The following NTM variants were observed in gnomAD, a reference collection of about 807,000 sequenced individuals.
NTM encodes neurotrimin.
NTM carries 13 observed loss-of-function variants against 42.1 expected under a neutral mutation model. The ratio of observed to expected loss-of-function variants is 0.31; its 90% CI spans 0.20 to 0.49. The LOEUF is 0.49. NTM is among the 20% of genes least tolerant of loss of function. NTM has a pLI of 0.99. For missense variants in NTM, 373 were observed against 452.8 expected (o/e 0.82, Z 1.60); for synonymous variants, 187 against 179.2 (o/e 1.04, Z -0.35).
At chr11:132,106,895 T>C (rs910572073) in intron 2 of NTM, among the ~76,000 whole-genome samples, 4 of 152,168 alleles carry the variant, frequency 2.6e-5, no homozygotes, top group African/African-American at 9.7e-5. Context: ...TAGCCATAGA[T>C]AGTCACAACT....
At chr11:131,829,080 C>T (rs1592138919) in intron 1 of NTM, among the ~76,000 whole-genome samples, 1 of 142,718 alleles carries the variant, frequency 7.0e-6, no homozygotes, top group Non-Finnish European at 1.5e-5. Flanking sequence ...TCCTTAATCA[C>T]CCCTTTGCCT....
At chr11:131,574,166 C>T (rs2057717450) in intron 1 of NTM, among the ~76,000 whole-genome samples, 1 of 152,124 alleles carries the variant, frequency 6.6e-6, no homozygotes, top group African/African-American at 2.4e-5. Context: ...CTGGCTCGGC[C>T]TTTGGAAATC....
At chr11:131,606,294 G>A (rs1016826088) in intron 1 of NTM, among the ~76,000 whole-genome samples, 4 of 152,128 alleles carry the variant, frequency 2.6e-5, no homozygotes, top group South Asian at 2.1e-4. Context: ...GGCCTCAAGC[G>A]ATCCTCCTGT....
At chr11:131,478,870 A>T (rs1036546362) in intron 1 of NTM, among the ~76,000 whole-genome samples, 1 of 152,236 alleles carries the variant, frequency 6.6e-6, no homozygotes, top group African/African-American at 2.4e-5. Flanking sequence ...CCCAGCACCT[A>T]CATTTCAATC....
intron 2 of NTM, among the ~76,000 whole-genome samples, chr11:132,121,908 C>T (rs2064899406): frequency 6.6e-6 from 1 of 152,216 alleles, no homozygotes; most frequent in Non-Finnish European, 1.5e-5. Flanking sequence ...CCATTTTATG[C>T]ATGTGCATTA....
intron 2 of NTM, among the ~76,000 whole-genome samples, chr11:132,126,625 G>A (rs71470696): frequency 0.026 from 4,008 of 152,262 alleles, 79 homozygotes; most frequent in South Asian, 0.094. Flanking sequence ...CTCCCAAGAG[G>A]AGAGGAGCTG....
At chr11:131,382,797 G>A (rs888336983) in intron 1 of NTM, among the ~76,000 whole-genome samples, 36 of 152,334 alleles carry the variant, frequency 2.4e-4, no homozygotes, top group South Asian at 2.1e-4. Context: ...AAAAGGTTTT[G>A]CCAGAGCAGA....
At chr11:131,525,090 G>A (rs7128651) in intron 1 of NTM, among the ~76,000 whole-genome samples, 2,555 of 152,172 alleles carry the variant, frequency 0.017, 73 homozygotes, top group African/African-American at 0.057. Context: ...CTCAGGGGGC[G>A]GGTATTGCCA....
intron 1 of NTM, among the ~76,000 whole-genome samples, chr11:131,844,263 T>C (rs935084607): frequency 2.0e-5 from 3 of 152,138 alleles, no homozygotes. Context: ...ATCTGCAATG[T>C]TGTTTCTTTC....
In NTM at chr11:132,147,175, TTGTGTGTG is replaced by T. The variant is rs751528769; in HGVS notation, c.400+694_400+701del. Among the ~76,000 whole-genome samples the T allele has an allele frequency of 9.6e-3, 1,180 of 123,532 alleles. 7 individuals are homozygous for T. Among genetic ancestry groups the T allele is most frequent in the Middle Eastern group, 0.02 (5 of 244 alleles). 81.0% of individuals were successfully genotyped at this position (123,532 alleles called of 152,430 possible). On this transcript the variant is annotated intron_variant, in intron 3 of 8. Coordinates refer to ENST00000683400, the MANE Select transcript of NTM (RefSeq NM_001352005.2). ...TCCTAGTTCATGAGGCCTTGTATGT[TTGTGTGTG>T]TGTGTGTGTGTGTGTGTGTGTGTGT...
Position 132,310,106 on chromosome 11 carries a change from T to C in NTM, c.662-6T>C. 1 of 1,578,946 alleles carries C rather than the reference T, an allele frequency of 6.3e-7. No individual in the cohort carries two copies. The highest frequency in any genetic ancestry group is 8.6e-7 in the Non-Finnish European group (1 of 1,169,042). ...GGGGCGGCTATGAGACATCTTCTTTTTGCAGATCCACCATACATTTCAGAA... is the reference window on the plus strand; with the variant it reads ...GGGGCGGCTATGAGACATCTTCTTTCTGCAGATCCACCATACATTTCAGAA... On this transcript the variant is annotated splice_polypyrimidine_tract_variant and splice_region_variant and intron_variant, in intron 5 of 8. Transcript: ENST00000683400.
chr11:131,702,890 G>A (rs2135196279), intron 1 of NTM, among the ~76,000 whole-genome samples: 1 of 152,300 alleles, frequency 6.6e-6, no homozygotes. Context: ...AGAGTTGATA[G>A]ACTGATGTGT....
intron 2 of NTM, among the ~76,000 whole-genome samples, chr11:131,997,684 T>C (rs2135226838): frequency 6.6e-6 from 1 of 152,322 alleles, no homozygotes; most frequent in Non-Finnish European, 1.5e-5. Flanking sequence ...TTCTTTTTTC[T>C]TCCTGGAATG....
intron 3 of NTM, among the ~76,000 whole-genome samples, chr11:132,172,490 A>G (rs138937979): frequency 6.6e-6 from 1 of 152,302 alleles, no homozygotes; most frequent in East Asian, 1.9e-4. Flanking sequence ...AAATGCATTC[A>G]GTGGCTGGAA....
chr11:132,173,581 A>G (rs1442252101), intron 3 of NTM, among the ~76,000 whole-genome samples: 3 of 152,220 alleles, frequency 2.0e-5, no homozygotes, highest in Admixed American at 6.5e-5. Context: ...CTAGGGAGGC[A>G]GTTATTCATG....
chr11:132,127,911 C>T (rs1166940850), intron 2 of NTM, among the ~76,000 whole-genome samples: 2 of 152,246 alleles, frequency 1.3e-5, no homozygotes, highest in Non-Finnish European at 2.9e-5. Context: ...GTCTTAGATC[C>T]ACCCTTCCCC....
intron 1 of NTM, among the ~76,000 whole-genome samples, chr11:131,827,823 G>A (rs1592131758): frequency 6.6e-6 from 1 of 152,096 alleles, no homozygotes; most frequent in Admixed American, 6.5e-5. Context: ...AAATTTTCTG[G>A]ACAGCTACCT....
chr11:131,567,385 G>T (rs993304834), intron 1 of NTM, among the ~76,000 whole-genome samples: 2 of 152,118 alleles, frequency 1.3e-5, no homozygotes. Context: ...TACTTGGGAG[G>T]CTGAGGCAGG....
At chr11:131,547,939 C>G (rs569954008) in intron 1 of NTM, among the ~76,000 whole-genome samples, 1 of 152,064 alleles carries the variant, frequency 6.6e-6, no homozygotes, top group African/African-American at 2.4e-5. Flanking sequence ...GCCTAGGAGG[C>G]GTCCGAATAA....
Sources: gnomAD v4.1 joint callset for allele counts (sites outside exome capture counted in the v4.1 genomes callset) on GRCh38, gnomAD v4.1.1 for gene constraint, MANE v1.5 for transcripts, NCBI Gene and HGNC (gene_info 2026-07-23, HGNC 2026-07-21) for gene names.